The following CD44 variants were observed in gnomAD, a reference collection of about 807,000 sequenced individuals.
CD44 encodes CD44 molecule (IN blood group).
A neutral mutation model predicts 88.8 loss-of-function variants in CD44; 49 were observed. That is an observed-to-expected ratio of 0.55 (90% CI 0.44 to 0.70). The LOEUF is 0.70. Among genes scored for constraint, CD44 ranks in the 30% least tolerant of loss-of-function variants. CD44 has a pLI of 0.00. For missense variants in CD44, 883 were observed against 913.8 expected (o/e 0.97, Z 0.43); for synonymous variants, 325 against 312.3 (o/e 1.04, Z -0.43).
chr11:35,226,931 C>A (rs1266905194), intron 17 of CD44, among the ~76,000 whole-genome samples: 1 of 131,232 alleles, frequency 7.6e-6, no homozygotes, highest in Non-Finnish European at 1.5e-5. Flanking sequence ...GTCACCCAGG[C>A]TGGAGTGCGG....
intron 1 of CD44, among the ~76,000 whole-genome samples, chr11:35,146,077 C>T (rs950358901): frequency 1.4e-4 from 21 of 152,094 alleles, no homozygotes; most frequent in African/African-American, 3.9e-4. Flanking sequence ...GGGTGGGGAA[C>T]GATGGAAACT....
At chr11:35,190,375 C>G in intron 5 of CD44, 1 of 392,472 alleles carries the variant, frequency 2.5e-6, no homozygotes, top group South Asian at 3.8e-5. Context: ...ACAATTCAAG[C>G]CTGATATGAA....
rs1343662850 is a variant in CD44 at position 35,139,275 on chromosome 11, G to C, written c.-29G>C. On this transcript the variant is annotated 5_prime_UTR_variant, in exon 1 of 18. Transcript: ENST00000428726. The stretch of plus-strand genomic sequence containing the variant: ...GCCCAGGGATCCTCCAGCTCCTTTC[G>C]CCCGCGCCCTCCGTTCGCTCCGGAC... The C allele has an allele frequency of 5.8e-6, 9 of 1,548,378 alleles. No individual in the cohort carries two copies. In the South Asian group the frequency reaches 8.3e-5, roughly 14 times the overall value.
chr11:35,166,891 G>T (rs763201462), intron 1 of CD44, among the ~76,000 whole-genome samples: 1 of 152,264 alleles, frequency 6.6e-6, no homozygotes, highest in African/African-American at 2.4e-5. Flanking sequence ...AGCCAAAGGC[G>T]ATTCGGCCAC....
chr11:35,216,553 GTCACAGGT>G (rs1207621305), intron 15 of CD44, among the ~76,000 whole-genome samples: 1 of 152,210 alleles, frequency 6.6e-6, no homozygotes, highest in Non-Finnish European at 1.5e-5. Context: ...AGAGACAGAA[GTCACAGGT>G]TCACTGGGGA....
At chr11:35,199,295 T>C (rs1474722731) in intron 7 of CD44, among the ~76,000 whole-genome samples, 1 of 152,202 alleles carries the variant, frequency 6.6e-6, no homozygotes, top group Non-Finnish European at 1.5e-5. Context: ...TTTAAAGATA[T>C]CCTTAAAAAG....
At chr11:35,220,092 T>C (rs906013577) in intron 16 of CD44, among the ~76,000 whole-genome samples, 1 of 152,198 alleles carries the variant, frequency 6.6e-6, no homozygotes, top group South Asian at 2.1e-4. Flanking sequence ...TCTCTCCTCT[T>C]CAGAGGTCTC....
At chr11:35,189,436 G>A (rs1183553810) in intron 4 of CD44, among the ~76,000 whole-genome samples, 1 of 152,216 alleles carries the variant, frequency 6.6e-6, no homozygotes, top group Non-Finnish European at 1.5e-5. Flanking sequence ...CTTCAGAAGG[G>A]AGAGTAGGGA....
rs915023065 is a variant in CD44 at position 35,201,048 on chromosome 11, A to G, written c.923-34A>G. 13 of 1,478,982 alleles carry G rather than the reference A, an allele frequency of 8.8e-6. No homozygotes were observed. The Admixed American group carries it at 2.0e-4, about 23-fold the overall frequency. 91.6% of individuals were successfully genotyped at this position (1,478,982 alleles called of 1,614,324 possible). A position where few individuals can be genotyped will look rare whatever the true frequency, so the allele number is the denominator to read the frequency against. On this transcript the variant is annotated intron_variant, in intron 7 of 17. Coordinates refer to ENST00000428726, the MANE Select transcript of CD44 (RefSeq NM_000610.4). ...AAGTGGCGAAGGCTCAAGAAATAAC[A>G]TTTTTCTAATTGCTTCAATCATCGT...
intron 1 of CD44, among the ~76,000 whole-genome samples, chr11:35,154,158 G>A (rs562150802): frequency 6.6e-6 from 1 of 152,220 alleles, no homozygotes; most frequent in Non-Finnish European, 1.5e-5. Flanking sequence ...TAGGGATCTT[G>A]AGTGTCAAGC....
intron 3 of CD44, among the ~76,000 whole-genome samples, chr11:35,181,905 T>TGTTATATATTATATATTATATATA: frequency 3.0e-5 from 2 of 66,084 alleles, no homozygotes. Context: ...ATATAATATA[T>TGTTATATATTATATATTATATATA]AATATATATT....
At chr11:35,208,082 A>G (rs1408117493) in intron 11 of CD44, 23 bp from the exon 12 acceptor site, 3 of 1,411,414 alleles carry the variant, frequency 2.1e-6, no homozygotes, top group Non-Finnish European at 3.0e-6. Flanking sequence ...ATCAAGCAAT[A>G]ACACTAATAT....
intron 9 of CD44, among the ~76,000 whole-genome samples, chr11:35,203,181 A>T (rs1280252648): frequency 6.6e-6 from 1 of 152,240 alleles, no homozygotes; most frequent in Non-Finnish European, 1.5e-5. Context: ...GAAGAAAGTC[A>T]ACCTTCATCT....
At chr11:35,220,429 G>A (rs565314048) in intron 16 of CD44, among the ~76,000 whole-genome samples, 1 of 152,278 alleles carries the variant, frequency 6.6e-6, no homozygotes, top group African/African-American at 2.4e-5. Context: ...AGGAAAAGGT[G>A]AGGCAAAGGT....
At position 35,163,821 on chromosome 11, in the gene CD44, T is replaced by C. The variant is rs536485322; in HGVS notation, c.68-12754T>C. 5.9e-5 allele frequency among the ~76,000 whole-genome samples: 9 copies of C among 152,228 alleles called. No individual in the cohort carries two copies. In the South Asian group the frequency reaches 1.9e-3, roughly 32 times the overall value. On this transcript the variant is annotated intron_variant, in intron 1 of 17. Transcript: ENST00000428726. Reference sequence around the variant, plus strand: ...ATTCTGCTTCTTGTCTGTACCCTCCTAAAGTCAAGGTGCAGCAAGGAGAGA... The same window carrying C: ...ATTCTGCTTCTTGTCTGTACCCTCCCAAAGTCAAGGTGCAGCAAGGAGAGA...
intron 1 of CD44, among the ~76,000 whole-genome samples, chr11:35,156,944 G>A (rs1461160679): frequency 1.3e-5 from 2 of 152,190 alleles, no homozygotes; most frequent in African/African-American, 4.8e-5. Context: ...TGAGGTGGGA[G>A]GAGTGCTTGG....
chr11:35,194,446 G>GT (rs1207995971), intron 5 of CD44, among the ~76,000 whole-genome samples: 3 of 152,196 alleles, frequency 2.0e-5, no homozygotes, highest in Non-Finnish European at 4.4e-5. Flanking sequence ...CACTCAAACA[G>GT]CCACGCAACA....
At chr11:35,161,018 C>T (rs561883599) in intron 1 of CD44, among the ~76,000 whole-genome samples, 21 of 152,126 alleles carry the variant, frequency 1.4e-4, no homozygotes, top group Non-Finnish European at 2.5e-4. Flanking sequence ...GCTTCTGGCT[C>T]CTAATTATCA....
chr11:35,205,974 CT>C, intron 10 of CD44, 137 bp from the exon 11 acceptor site: 3 of 1,293,756 alleles, frequency 2.3e-6, no homozygotes, highest in Non-Finnish European at 2.9e-6. Flanking sequence ...GTTTATGCAA[CT>C]TCCTTGCCCT....
Sources: allele counts gnomAD v4.1 joint callset (sites outside exome capture counted in the v4.1 genomes callset), GRCh38; gene constraint gnomAD v4.1.1; transcripts MANE v1.5; gene names NCBI Gene and HGNC (gene_info 2026-07-23, HGNC 2026-07-21).